Variants in DNAH14 observed in about 807,000 individuals in gnomAD.
DNAH14 encodes the protein axonemal beta dynein heavy chain 14.
DNAH14 carries 478 observed loss-of-function variants against 520.9 expected under a neutral mutation model. The ratio of observed to expected loss-of-function variants is 0.92; its 90% confidence interval spans 0.85 to 0.99. The LOEUF is 0.99. Among genes scored for constraint, DNAH14 ranks in the 50% least tolerant of loss-of-function variants. DNAH14 has a pLI of 0.00. For synonymous variants in DNAH14, 1,581 were observed against 1,757.2 expected (o/e 0.90, Z 2.51); for missense variants, 4,831 against 5,234.5 (o/e 0.92, Z 2.38).
At chr1:225,322,947 T>C (rs2094583320) in intron 62 of DNAH14, 124 bp downstream of exon 62, 16 of 1,040,866 alleles carry the variant, frequency 1.5e-5, no homozygotes, top group Non-Finnish European at 2.1e-5. Flanking sequence ...AATAGCTCTA[T>C]TCTTCCAGGC....
Position 224,950,882 on chromosome 1 carries a change from AT to A in DNAH14, c.-33-1787del, listed in dbSNP as rs554452040. ...AGGCCTACTGTATTACAAAAAAAAA[AT>A]ACTTAATTATTATTACCACTTATTG... On this transcript the variant is annotated intron_variant, in intron 1 of 85. Coordinates refer to ENST00000682510, the MANE Select transcript of DNAH14 (RefSeq NM_001367479.1). Among the ~76,000 whole-genome samples, 30 of 151,510 alleles carry A rather than the reference AT, an allele frequency of 2.0e-4. No individual in the cohort carries two copies. In the South Asian group the frequency reaches 5.0e-3, roughly 25 times the overall value.
chr1:225,142,534 T>C (rs1420529376), intron 28 of DNAH14, among the ~76,000 whole-genome samples: 1 of 152,108 alleles, frequency 6.6e-6, no homozygotes, highest in Non-Finnish European at 1.5e-5. Context: ...CCCATGAAAA[T>C]CAATGTAGCA....
chr1:224,997,870 A>G (rs967536677), intron 8 of DNAH14, among the ~76,000 whole-genome samples: 7 of 152,120 alleles, frequency 4.6e-5, no homozygotes, highest in Non-Finnish European at 7.4e-5. Context: ...TCAGTAAACT[A>G]TCGCAAGGAC....
chr1:224,974,619 A>T (rs942985930), intron 8 of DNAH14, among the ~76,000 whole-genome samples: 1 of 152,194 alleles, frequency 6.6e-6, no homozygotes, highest in Non-Finnish European at 1.5e-5. Context: ...ACTACAGTCT[A>T]TGATGACAGC....
At chr1:224,980,927 C>T (rs530430953) in intron 8 of DNAH14, among the ~76,000 whole-genome samples, 9 of 152,138 alleles carry the variant, frequency 5.9e-5, no homozygotes, top group South Asian at 4.1e-4. Context: ...CACCATGGCA[C>T]GTGTATACCT....
Position 225,152,893 on chromosome 1 carries a change from T to C in DNAH14, c.5196+10T>C. 1 of 1,544,180 alleles carries C rather than the reference T, an allele frequency of 6.5e-7. No homozygotes were observed. The highest frequency in any genetic ancestry group is 8.7e-7 in the Non-Finnish European group (1 of 1,145,274). On this transcript the variant is annotated intron_variant, in intron 33 of 85. Coordinates refer to ENST00000682510, the MANE Select transcript of DNAH14 (RefSeq NM_001367479.1). ...ACAGCTCTCACAACAGGTAAATAGC[T>C]ACTTTTCTCAAAATATTTAAAGGTG...
intron 4 of DNAH14, among the ~76,000 whole-genome samples, chr1:224,960,840 G>A (rs868087513): frequency 2.6e-5 from 4 of 152,090 alleles, no homozygotes; most frequent in South Asian, 2.1e-4. Context: ...AGCTATTGAA[G>A]CCTAAGCTTC....
At chr1:225,109,817 C>T (rs1449334294) in intron 23 of DNAH14, among the ~76,000 whole-genome samples, 1 of 152,116 alleles carries the variant, frequency 6.6e-6, no homozygotes, top group Non-Finnish European at 1.5e-5. Flanking sequence ...CTTTCATTTT[C>T]TCCCCATTTA....
At chr1:225,063,672 C>T (rs947935312) in intron 17 of DNAH14, among the ~76,000 whole-genome samples, 4 of 151,862 alleles carry the variant, frequency 2.6e-5, no homozygotes, top group Non-Finnish European at 4.4e-5. Flanking sequence ...AGTGATCTAT[C>T]ATATGTGTAA....
chr1:225,135,834 G>T (rs1436925529), intron 27 of DNAH14, among the ~76,000 whole-genome samples: 1 of 150,958 alleles, frequency 6.6e-6, no homozygotes, highest in African/African-American at 2.5e-5. Flanking sequence ...TCTGAAGCTG[G>T]GTCCTCCTGT....
At chr1:225,269,142 T>C (rs2093227473) in intron 49 of DNAH14, among the ~76,000 whole-genome samples, 1 of 152,036 alleles carries the variant, frequency 6.6e-6, no homozygotes, top group Admixed American at 6.6e-5. Flanking sequence ...TATAGACCAA[T>C]GGAACAGAAC....
intron 27 of DNAH14, among the ~76,000 whole-genome samples, chr1:225,126,260 C>A (rs1459709350): frequency 6.6e-6 from 1 of 152,038 alleles, no homozygotes; most frequent in African/African-American, 2.4e-5. Context: ...TGCAGGGTTA[C>A]CACAAATCTT....
At chr1:225,274,038 A>G (rs1574447482) in intron 52 of DNAH14, among the ~76,000 whole-genome samples, 1 of 151,958 alleles carries the variant, frequency 6.6e-6, no homozygotes, top group African/African-American at 2.4e-5. Context: ...ATTCCTTTGG[A>G]TATATACCCA....
intron 1 of DNAH14, among the ~76,000 whole-genome samples, chr1:224,944,469 T>G (rs2059654450): frequency 6.6e-6 from 1 of 152,180 alleles, no homozygotes; most frequent in African/African-American, 2.4e-5. Context: ...TGTCTTTTAA[T>G]TGGAGCATTT....
intron 56 of DNAH14, among the ~76,000 whole-genome samples, chr1:225,302,842 C>A (rs1053606826): frequency 1.4e-4 from 21 of 152,110 alleles, no homozygotes. Flanking sequence ...ATCCACACCA[C>A]CCCAGAGGAA....
chr1:225,335,066 A>C (rs11584941), intron 66 of DNAH14, among the ~76,000 whole-genome samples: 2 of 149,164 alleles, frequency 1.3e-5, no homozygotes, highest in Admixed American at 6.7e-5. Flanking sequence ...ACATATATGT[A>C]TATATAACGT....
At chr1:225,250,855 GT>G (rs2092516550) in intron 43 of DNAH14, 1 of 420,590 alleles carries the variant, frequency 2.4e-6, no homozygotes, top group African/African-American at 2.1e-5. Flanking sequence ...GGTGATTAGG[GT>G]AAGTATATCA....
intron 15 of DNAH14, 116 bp from the exon 16 acceptor site, chr1:225,050,093 CT>C: frequency 1.2e-6 from 1 of 838,132 alleles, no homozygotes; most frequent in South Asian, 2.4e-5. Context: ...AGAATATTGT[CT>C]AACCCTCATA....
chr1:225,101,549 T>C (rs930893641), intron 23 of DNAH14, among the ~76,000 whole-genome samples: 2 of 152,278 alleles, frequency 1.3e-5, no homozygotes, highest in Admixed American at 6.5e-5. Context: ...TTCTACTGTC[T>C]ATCTCCATGA....
Sources: allele counts gnomAD v4.1 joint callset (sites outside exome capture counted in the v4.1 genomes callset), GRCh38; gene constraint gnomAD v4.1.1; transcripts MANE v1.5; gene names NCBI Gene and HGNC (gene_info 2026-07-23, HGNC 2026-07-21).